Variants in JAML observed in about 807,000 individuals in gnomAD.
JAML encodes the protein junctional adhesion molecule-like.
A neutral mutation model predicts 39.3 loss-of-function variants in JAML; 25 were observed. That is an observed-to-expected ratio of 0.64 (90% CI 0.46 to 0.89). The LOEUF is 0.89. JAML is among the 40% of genes least tolerant of loss of function. The pLI is 0.00. For missense variants in JAML, 440 were observed against 486.9 expected, an observed-to-expected ratio of 0.90 and a Z score of 0.91; for synonymous variants, 162 against 179.2, an observed-to-expected ratio of 0.90 and a Z score of 0.77.
intron 2 of JAML, chr11:118,212,953 C>T (rs1400026352): frequency 6.2e-7 from 1 of 1,614,076 alleles, no homozygotes; most frequent in African/African-American, 1.3e-5. Flanking sequence ...TCTTAAATCT[C>T]CCACTGGTTC....
chr11:118,210,811 T>C, intron 3 of JAML, 99 bp from the exon 4 acceptor site: 1 of 930,234 alleles, frequency 1.1e-6, no homozygotes. Flanking sequence ...AGAGCTATCA[T>C]CATGATCATG....
Position 118,196,926 on chromosome 11 carries a change from G to C in JAML, c.1006-105C>G, listed in dbSNP as rs529911094. On this transcript the variant is annotated intron_variant, in intron 8 of 9. Transcript: ENST00000356289. ...TTGCTAGGCATCGACCACCCAAACT[G>C]CTGGTTCAGAGGGTTACTGAGACCT... The C allele has an allele frequency of 1.9e-5, 17 of 876,824 alleles. No individual in the cohort carries two copies. In the Admixed American group the frequency reaches 2.6e-4, roughly 13 times the overall value. 54.3% of individuals were successfully genotyped at this position (876,824 alleles called of 1,614,324 possible). A position where few individuals can be genotyped will look rare whatever the true frequency, so the allele number is the denominator to read the frequency against.
intron 1 of JAML, among the ~76,000 whole-genome samples, chr11:118,217,156 A>G (rs1453951034): frequency 6.6e-6 from 1 of 152,234 alleles, no homozygotes; most frequent in Admixed American, 6.5e-5. Context: ...TACGTGCCTT[A>G]TTTAGATGTG....
chr11:118,195,983 C>T (rs1411080265), intron 9 of JAML, among the ~76,000 whole-genome samples: 2 of 151,956 alleles, frequency 1.3e-5, no homozygotes, highest in Non-Finnish European at 2.9e-5. Context: ...AGGTGCCCGC[C>T]ACCATGCCTG....
At chr11:118,216,331 T>C (rs1949142332) in intron 1 of JAML, among the ~76,000 whole-genome samples, 1 of 150,278 alleles carries the variant, frequency 6.7e-6, no homozygotes, top group Non-Finnish European at 1.5e-5. Context: ...ATCACGCCAC[T>C]GCACTCCAGC....
chr11:118,210,508 C>T lies in JAML; in HGVS notation c.403G>A (p.Val135Met). The change falls in exon 4 of 10, where the codon GTG becomes ATG. Residue 135 changes from valine to methionine, a missense_variant. Val to Met is a conservative substitution (Grantham distance 21). Transcript: ENST00000356289. Reference protein sequence around the residue: ...QVFKKAVVLHVLPEEPKELMV... With the variant: ...QVFKKAVVLHMLPEEPKELMV... ...GTACCTTTGGGCTCCTCTGGAAGCA[C>T]ATGCAGTACCACCGCCTTCTTGAAC... 1 of 1,614,106 alleles carries T rather than the reference C, an allele frequency of 6.2e-7. No homozygotes were observed. Among genetic ancestry groups the T allele is most frequent in the Non-Finnish European group, 8.5e-7 (1 of 1,180,008 alleles).
intron 4 of JAML, among the ~76,000 whole-genome samples, chr11:118,208,660 T>A (rs531463836): frequency 6.6e-6 from 1 of 152,380 alleles, no homozygotes; most frequent in East Asian, 1.9e-4. Flanking sequence ...CAAGCTCTCC[T>A]GGGGTCACAG....
intron 9 of JAML, among the ~76,000 whole-genome samples, chr11:118,194,957 C>T (rs1048609031): frequency 6.6e-6 from 1 of 152,198 alleles, no homozygotes; most frequent in Non-Finnish European, 1.5e-5. Context: ...GCAGCCCAGG[C>T]CTCTTCTCTT....
intron 6 of JAML, chr11:118,201,277 T>C (rs1948791818): frequency 6.6e-6 from 1 of 152,268 alleles, no homozygotes; most frequent in Non-Finnish European, 1.5e-5. Context: ...CAATTCTATA[T>C]GCAGCAAGTG....
chr11:118,206,122 G>A lies in JAML; in HGVS notation c.425-131C>T, dbSNP rs966390567. ...TCGCTGTCACCACCAAACACTGTAC[G>A]TATTCCCTCTGTACGAATTCCCTCT... On this transcript the variant is annotated intron_variant, in intron 4 of 9. Coordinates refer to ENST00000356289, the MANE Select transcript of JAML (RefSeq NM_001098526.2). The A allele has an allele frequency of 9.5e-5, 69 of 724,358 alleles. 1 individual carries two copies. The highest frequency in any genetic ancestry group is 4.5e-4 in the Admixed American group (21 of 46,490). 44.9% of individuals were successfully genotyped at this position (724,358 alleles called of 1,614,324 possible).
chr11:118,206,064 T>A lies in JAML; in HGVS notation c.425-73A>T. Reference sequence around the variant, plus strand: ...GAAGTCAAAGAATTTCTAGAAGAGATCATGTTTAGCCAAAGACCCTCAGCA... The same window carrying A: ...GAAGTCAAAGAATTTCTAGAAGAGAACATGTTTAGCCAAAGACCCTCAGCA... On this transcript the variant is annotated intron_variant, in intron 4 of 9. Coordinates refer to ENST00000356289, the MANE Select transcript of JAML (RefSeq NM_001098526.2). The A allele has an allele frequency of 4.4e-6, 6 of 1,374,134 alleles. No individual in the cohort carries two copies. In the South Asian group the frequency reaches 7.0e-5, roughly 16 times the overall value. The allele number at this position is 1,374,134 out of a possible 1,614,324, so 85.1% of individuals were successfully genotyped here.
Position 118,205,831 on chromosome 11 carries a change from AT to A in JAML, c.534+50del, listed in dbSNP as rs1161089256. On this transcript the variant is annotated intron_variant, in intron 5 of 9. Coordinates refer to ENST00000356289, the MANE Select transcript of JAML (RefSeq NM_001098526.2). ...TGTGCCTGATTCTACCTTTGTCCTG[AT>A]ACCATCAGCCAGAGCCTTCTCTAAC... is the stretch of plus-strand genomic sequence containing the variant. 7 of 1,531,416 alleles carry A rather than the reference AT, an allele frequency of 4.6e-6. No homozygotes were observed. In the African/African-American group the frequency reaches 9.6e-5, roughly 21 times the overall value. 94.9% of individuals were successfully genotyped at this position (1,531,416 alleles called of 1,614,324 possible). A position where few individuals can be genotyped will look rare whatever the true frequency, so the allele number is the denominator to read the frequency against.
intron 1 of JAML, among the ~76,000 whole-genome samples, chr11:118,217,506 A>G (rs772122487): frequency 7.9e-5 from 12 of 152,194 alleles, no homozygotes; most frequent in South Asian, 2.1e-4. Flanking sequence ...AAAATTACTA[A>G]AAGTTTTTTT....
chr11:118,200,607 C>T lies in JAML; in HGVS notation c.778G>A (p.Val260Met). ...HVSPEEPRTL[V>M]TPAALRPLVL... ...AGAGGCCTCAGGGCTGCCGGGGTCA[C>T]CAGTGCTTGGGAAAGTAGAAAAGCA... The change falls in exon 7 of 10, where the codon GTG (valine) becomes ATG (methionine). Residue 260 changes from valine to methionine, a missense_variant. Transcript: ENST00000356289. 6.2e-7 allele frequency: 1 copy of T among 1,614,092 alleles called. No homozygotes were observed. The highest frequency in any genetic ancestry group is 8.5e-7 in the Non-Finnish European group (1 of 1,180,010).
chr11:118,210,762 G>A (rs1317928510), intron 3 of JAML, 50 bp from the exon 4 acceptor site: 2 of 1,495,238 alleles, frequency 1.3e-6, no homozygotes, highest in Non-Finnish European at 1.9e-6. Context: ...GCCAGACCGA[G>A]GAGCCTGGAT....
rs1248987558 is a variant in JAML at position 118,210,677 on chromosome 11, A to G, written c.234T>C (p.Ser78=). 2 of 1,614,202 alleles carry G rather than the reference A, an allele frequency of 1.2e-6. No individual in the cohort carries two copies. Among genetic ancestry groups the G allele is most frequent in the Admixed American group, 3.3e-5 (2 of 60,028 alleles). The part of the protein sequence containing the change: ...EYVLYYYSNL[S]VPIGRFQNRV... ...GGTTCTGGAAGCGCCCAATAGGCAC[A>G]CTGAGATTGGAGTAATAGTATAGCA... Residue 78 remains serine, a synonymous_variant, in exon 4 of 10, where the codon AGT becomes AGC. Coordinates refer to ENST00000356289, the MANE Select transcript of JAML (RefSeq NM_001098526.2).
intron 5 of JAML, chr11:118,204,631 T>C (rs1948879888): frequency 6.6e-6 from 1 of 152,180 alleles, no homozygotes; most frequent in African/African-American, 2.4e-5. Context: ...TCTCCTCAAA[T>C]GTCATCTCAG....
chr11:118,195,065 G>A (rs1948624442), intron 9 of JAML, among the ~76,000 whole-genome samples: 1 of 152,178 alleles, frequency 6.6e-6, no homozygotes. Flanking sequence ...TAGCTGTGAA[G>A]ACAATTGTTC....
intron 2 of JAML, chr11:118,213,063 C>T (rs908616993): frequency 3.8e-6 from 6 of 1,573,028 alleles, no homozygotes; most frequent in Non-Finnish European, 5.2e-6. Context: ...AGGGCAGGTC[C>T]TTGTAATTAG....
Sources: allele counts gnomAD v4.1 joint callset (sites outside exome capture counted in the v4.1 genomes callset), GRCh38; gene constraint gnomAD v4.1.1; transcripts MANE v1.5; gene names NCBI Gene and HGNC (gene_info 2026-07-23, HGNC 2026-07-21).